UBA6: variants seen among roughly 807,000 people sequenced by gnomAD.
The protein encoded by UBA6 is ubiquitin-like modifier-activating enzyme 6.
Under a neutral mutation model 148.3 loss-of-function variants are expected in UBA6, and 87 were observed. The ratio of observed to expected loss-of-function variants is 0.59; its 90% CI spans 0.49 to 0.70. The LOEUF is 0.70. UBA6 is among the 30% of genes least tolerant of loss of function. The pLI, the probability that UBA6 is intolerant of heterozygous loss-of-function variation, is 0.00. For missense variants in UBA6, 1,186 were observed against 1,241.2 expected (o/e 0.96, Z 0.67); for synonymous variants, 376 against 401.0 (o/e 0.94, Z 0.75).
In UBA6 at chr4:67,630,505, T is replaced by C. The variant is rs368119089; in HGVS notation, c.2289A>G (p.Lys763=). The change falls in exon 26 of 33, where the codon AAA becomes AAG. Residue 763 remains lysine, a synonymous_variant. Coordinates refer to ENST00000322244, the MANE Select transcript of UBA6 (RefSeq NM_018227.6). ...GAATACAATATACTGTAGCATATAG[T>C]TTTGCAGCATTCTGAAGGAAACTGA... ...LHLSFLQNAA[K]LYATVYCIPF... is the part of the protein sequence containing the mutation. 6.3e-7 allele frequency: 1 copy of C among 1,587,478 alleles called. No homozygotes were observed. Among genetic ancestry groups the C allele is most frequent in the Non-Finnish European group, 8.6e-7 (1 of 1,167,264 alleles).
rs997438830 is a variant in UBA6 at position 67,635,637 on chromosome 4, T to C, written c.1737-79A>G. On this transcript the variant is annotated intron_variant, in intron 19 of 32. Transcript: ENST00000322244. Reference sequence around the variant, plus strand: ...CCAAAGGACAACCTACAACTTTCTATTGACCATTTCACATACTGATCACTT... The same window carrying C: ...CCAAAGGACAACCTACAACTTTCTACTGACCATTTCACATACTGATCACTT... 5.2e-5 allele frequency: 43 copies of C among 828,578 alleles called. 1 individual carries two copies. The highest frequency in any genetic ancestry group is 2.3e-4 in the Admixed American group (12 of 53,174). The allele number at this position is 828,578 out of a possible 1,614,324, so 51.3% of individuals were successfully genotyped here.
intron 13 of UBA6, among the ~76,000 whole-genome samples, chr4:67,653,111 A>G (rs1013368516): frequency 1.3e-5 from 2 of 152,200 alleles, no homozygotes; most frequent in Non-Finnish European, 2.9e-5. Context: ...TAGCTAAACA[A>G]AAGGCAGCAG....
intron 2 of UBA6, among the ~76,000 whole-genome samples, chr4:67,694,235 A>AG (rs1730772094): frequency 6.9e-6 from 1 of 144,462 alleles, no homozygotes; most frequent in Non-Finnish European, 1.5e-5. Flanking sequence ...AAAAAAAAAA[A>AG]AAAAAAAAAG....
intron 2 of UBA6, among the ~76,000 whole-genome samples, chr4:67,682,755 T>C (rs569846347): frequency 1.4e-4 from 21 of 152,342 alleles, no homozygotes; most frequent in African/African-American, 4.8e-4. Flanking sequence ...AAAAGTCTGA[T>C]ATAGTAATAA....
intron 19 of UBA6, among the ~76,000 whole-genome samples, chr4:67,636,410 CCT>C (rs889665496): frequency 2.6e-5 from 4 of 152,168 alleles, no homozygotes; most frequent in African/African-American, 9.7e-5. Context: ...TCTCCCTCTC[CCT>C]CTCTTTCCAT....
At chr4:67,696,046 C>T (rs962746624) in intron 2 of UBA6, among the ~76,000 whole-genome samples, 5 of 151,938 alleles carry the variant, frequency 3.3e-5, no homozygotes, top group African/African-American at 1.2e-4. Flanking sequence ...TTTAAAAGTC[C>T]CATCAAATTC....
chr4:67,634,614 C>A, intron 20 of UBA6, 96 bp from the exon 21 acceptor site: 1 of 785,108 alleles, frequency 1.3e-6, no homozygotes, highest in East Asian at 2.9e-5. Flanking sequence ...TATTAAAAAT[C>A]CAAAAATAAA....
intron 1 of UBA6, among the ~76,000 whole-genome samples, chr4:67,697,861 A>C (rs141086536): frequency 6.6e-6 from 1 of 152,328 alleles, no homozygotes; most frequent in Non-Finnish European, 1.5e-5. Flanking sequence ...TAAATATCTT[A>C]AAATGCAGTC....
chr4:67,663,457 G>T, intron 11 of UBA6: 3 of 397,690 alleles, frequency 7.5e-6, no homozygotes, highest in South Asian at 6.9e-5. Context: ...TTTGGAAACT[G>T]TTAGTTCCTT....
intron 8 of UBA6, among the ~76,000 whole-genome samples, chr4:67,669,893 A>C (rs755655575): frequency 2.6e-5 from 4 of 152,166 alleles, no homozygotes; most frequent in Non-Finnish European, 4.4e-5. Flanking sequence ...CATAGAATAA[A>C]ATTAAAATTA....
In UBA6 at chr4:67,613,409, G is replaced by A. The variant is rs944366435; in HGVS notation, c.*5588C>T. 5.9e-5 allele frequency: 9 copies of A among 152,094 alleles called. No individual in the cohort carries two copies. The highest frequency in any genetic ancestry group is 1.9e-4 in the African/African-American group (8 of 41,390). 9.4% of individuals were successfully genotyped at this position (152,094 alleles called of 1,614,324 possible). On this transcript the variant is annotated 3_prime_UTR_variant, in exon 33 of 33. Transcript: ENST00000322244. ...GATTCTGGAATTATTAGACAGACTA[G>A]AAAATAATTATGCTTTTCATTTTGA...
chr4:67,694,202 CA>C (rs1730769812), intron 2 of UBA6, among the ~76,000 whole-genome samples: 1 of 85,104 alleles, frequency 1.2e-5, no homozygotes, highest in African/African-American at 4.8e-5. Context: ...GATGACAGAG[CA>C]AGACTCCATC....
intron 32 of UBA6, among the ~76,000 whole-genome samples, chr4:67,621,794 G>T (rs901116788): frequency 2.0e-5 from 3 of 152,180 alleles, no homozygotes; most frequent in African/African-American, 7.2e-5. Flanking sequence ...GACACAGTGA[G>T]ACTCCGTCTC....
chr4:67,692,957 C>G (rs1577843375), intron 2 of UBA6, among the ~76,000 whole-genome samples: 1 of 152,114 alleles, frequency 6.6e-6, no homozygotes, highest in South Asian at 2.1e-4. Context: ...GACATGGACC[C>G]TTCTACAACA....
At position 67,685,938 on chromosome 4, in the gene UBA6, G is replaced by A. The variant is rs1239585711; in HGVS notation, c.135-3725C>T. Among the ~76,000 whole-genome samples the A allele has an allele frequency of 2.6e-5, 4 of 152,212 alleles. No homozygotes were observed. The East Asian group carries it at 7.7e-4, about 29-fold the overall frequency. ...CACCAAAGGGAAAGGTACTAATTAAGTGCCTTCTTTGTACCAAGTAATATG... is the reference window on the plus strand; with the variant it reads ...CACCAAAGGGAAAGGTACTAATTAAATGCCTTCTTTGTACCAAGTAATATG... On this transcript the variant is annotated intron_variant, in intron 2 of 32. Transcript: ENST00000322244.
At chr4:67,620,001 C>T (rs553575809) in intron 32 of UBA6, among the ~76,000 whole-genome samples, 102 of 152,274 alleles carry the variant, frequency 6.7e-4, no homozygotes, top group African/African-American at 2.4e-3. Context: ...ACACTGTGTA[C>T]CTACTTCATG....
At chr4:67,660,550 ACCTCT>A (rs1357831637) in intron 13 of UBA6, among the ~76,000 whole-genome samples, 3 of 152,020 alleles carry the variant, frequency 2.0e-5, no homozygotes, top group African/African-American at 7.2e-5. Flanking sequence ...AGATTTGGGA[ACCTCT>A]GCCTAGCTTT....
At chr4:67,637,349 C>G (rs1411399211) in intron 19 of UBA6, among the ~76,000 whole-genome samples, 2 of 142,242 alleles carry the variant, frequency 1.4e-5, no homozygotes, top group Non-Finnish European at 3.1e-5. Context: ...GCTGCCCCGT[C>G]CGGGAGGTGG....
chr4:67,663,827 C>A lies in UBA6; in HGVS notation c.960+58G>T, dbSNP rs1413603744. On this transcript the variant is annotated intron_variant, in intron 11 of 32. Transcript: ENST00000322244. ...ATTCCATTTTAACTTCATAATCACT[C>A]ACTAATTCTCATCTCTGATTCTGCT... is the stretch of plus-strand genomic sequence containing the variant. The A allele has an allele frequency of 4.3e-6, 6 of 1,399,576 alleles. No homozygotes were observed. The Admixed American group carries it at 1.0e-4, about 24-fold the overall frequency. The allele number at this position is 1,399,576 out of a possible 1,614,324, so 86.7% of individuals were successfully genotyped here.
Sources: gnomAD v4.1 joint callset for allele counts (sites outside exome capture counted in the v4.1 genomes callset) on GRCh38, gnomAD v4.1.1 for gene constraint, MANE v1.5 for transcripts, NCBI Gene and HGNC (gene_info 2026-07-23, HGNC 2026-07-21) for gene names.